SEPTIN14: variants seen among roughly 807,000 people sequenced by gnomAD.
SEPTIN14 encodes the protein septin 14.
SEPTIN14 carries 40 observed loss-of-function variants against 53.6 expected under a neutral mutation model. That is an observed-to-expected ratio of 0.75 (90% CI 0.58 to 0.97). The LOEUF (loss-of-function observed/expected upper bound fraction) is 0.97. Among genes scored for constraint, SEPTIN14 ranks in the 50% least tolerant of loss-of-function variants. The pLI, the probability that SEPTIN14 is intolerant of heterozygous loss-of-function variation, is 0.00. For synonymous variants in SEPTIN14, 138 were observed against 166.8 expected, an observed-to-expected ratio of 0.83 and a Z score of 1.33; for missense variants, 471 against 508.2, an observed-to-expected ratio of 0.93 and a Z score of 0.70.
At chr7:55,833,505 T>C (rs900140710) in intron 6 of SEPTIN14, among the ~76,000 whole-genome samples, 16 of 152,068 alleles carry the variant, frequency 1.1e-4, no homozygotes, top group Admixed American at 8.5e-4. Context: ...GCCAGGAGTT[T>C]GAGACCAGCC....
chr7:55,817,108 C>A (rs1424593053), intron 7 of SEPTIN14, among the ~76,000 whole-genome samples: 1 of 152,090 alleles, frequency 6.6e-6, no homozygotes, highest in African/African-American at 2.4e-5. Flanking sequence ...TGGAAGCAAT[C>A]TAAGTGTCCA....
At chr7:55,815,105 A>G (rs1788770399) in intron 7 of SEPTIN14, among the ~76,000 whole-genome samples, 1 of 152,198 alleles carries the variant, frequency 6.6e-6, no homozygotes, top group Non-Finnish European at 1.5e-5. Context: ...GAAGAAAGAA[A>G]CTAGACTTTT....
intron 5 of SEPTIN14, among the ~76,000 whole-genome samples, chr7:55,840,803 A>G (rs1789296945): frequency 6.6e-6 from 1 of 152,222 alleles, no homozygotes; most frequent in South Asian, 2.1e-4. Context: ...CGTGCACCAC[A>G]TAATGGCATT....
intron 2 of SEPTIN14, among the ~76,000 whole-genome samples, chr7:55,861,701 T>C (rs1322815987): frequency 2.0e-5 from 3 of 152,194 alleles, no homozygotes; most frequent in Non-Finnish European, 4.4e-5. Flanking sequence ...TTCTTTGGTG[T>C]TAAGTAGAAA....
chr7:55,800,126 C>T (rs1288142494), intron 9 of SEPTIN14, among the ~76,000 whole-genome samples: 1 of 151,902 alleles, frequency 6.6e-6, no homozygotes, highest in Non-Finnish European at 1.5e-5. Context: ...TTGGAAGCAA[C>T]CTAACTGTCC....
At chr7:55,799,856 G>C (rs1168792263) in intron 9 of SEPTIN14, among the ~76,000 whole-genome samples, 1 of 152,108 alleles carries the variant, frequency 6.6e-6, no homozygotes, top group Non-Finnish European at 1.5e-5. Context: ...AGTAGGGAAA[G>C]AGTAGATGTG....
chr7:55,832,202 A>AACACACACAC (rs112349116), intron 6 of SEPTIN14, among the ~76,000 whole-genome samples: 5 of 145,006 alleles, frequency 3.4e-5, no homozygotes, highest in African/African-American at 1.0e-4. Flanking sequence ...CTCTGTCTCA[A>AACACACACAC]ACACACACAC....
In SEPTIN14 at chr7:55,848,114, A is replaced by G. The variant is rs186672223; in HGVS notation, c.55-1477T>C. On this transcript the variant is annotated intron_variant, in intron 2 of 9. Transcript: ENST00000388975. ...TTATAAATCAGTAGGAAAGATTTTA[A>G]GGTAGAAGCATCAACAATCAGCTCA... Among the ~76,000 whole-genome samples the G allele has an allele frequency of 8.5e-5, 13 of 152,326 alleles. No homozygotes were observed. The East Asian group carries it at 2.3e-3, about 27-fold the overall frequency.
At chr7:55,813,373 C>G (rs10229960) in intron 7 of SEPTIN14, among the ~76,000 whole-genome samples, 1 of 151,912 alleles carries the variant, frequency 6.6e-6, no homozygotes, top group South Asian at 2.1e-4. Flanking sequence ...CTGAATAAAT[C>G]TGAAAGGCAA....
At chr7:55,846,217 G>T (rs956464618) in intron 3 of SEPTIN14, among the ~76,000 whole-genome samples, 1 of 151,132 alleles carries the variant, frequency 6.6e-6, no homozygotes, top group African/African-American at 2.4e-5. Flanking sequence ...TACAGGTCGA[G>T]TGTGGTGTCT....
intron 7 of SEPTIN14, among the ~76,000 whole-genome samples, chr7:55,808,463 T>A (rs1271764070): frequency 1.3e-5 from 2 of 152,248 alleles, no homozygotes; most frequent in African/African-American, 4.8e-5. Context: ...CAATGATGTT[T>A]AAGAATTCCC....
At chr7:55,798,585 GC>G in intron 9 of SEPTIN14, 1 of 379,444 alleles carries the variant, frequency 2.6e-6, no homozygotes. Context: ...GATGGACGCA[GC>G]CCCAACAAAT....
At chr7:55,857,466 A>T in intron 2 of SEPTIN14, among the ~76,000 whole-genome samples, 1 of 102,624 alleles carries the variant, frequency 9.7e-6, no homozygotes, top group East Asian at 4.6e-4. Context: ...AGGGGAGGGG[A>T]GGGGAGAGGA....
intron 5 of SEPTIN14, 72 bp from the exon 6 acceptor site, chr7:55,834,658 T>G: frequency 1.5e-6 from 2 of 1,315,582 alleles, no homozygotes; most frequent in Non-Finnish European, 2.1e-6. Flanking sequence ...TGTTTTTTGT[T>G]TTGAGACGGA....
chr7:55,813,286 A>G (rs1788736335), intron 7 of SEPTIN14, among the ~76,000 whole-genome samples: 3 of 152,134 alleles, frequency 2.0e-5, no homozygotes, highest in Non-Finnish European at 4.4e-5. Flanking sequence ...CTAAAGAGGA[A>G]TACCCCATGC....
intron 6 of SEPTIN14, among the ~76,000 whole-genome samples, chr7:55,832,881 T>G (rs1789134477): frequency 6.6e-6 from 1 of 151,824 alleles, no homozygotes; most frequent in South Asian, 2.1e-4. Context: ...GTACAATATT[T>G]ACTATTTCAG....
At chr7:55,821,403 C>T (rs117134606) in intron 6 of SEPTIN14, among the ~76,000 whole-genome samples, 6,918 of 152,166 alleles carry the variant, frequency 0.045, 219 homozygotes, top group Non-Finnish European at 0.065. Flanking sequence ...CAGAACCCTG[C>T]CTCAGAGATT....
In SEPTIN14 at chr7:55,851,634, A is replaced by G. The variant is rs149422202; in HGVS notation, c.55-4997T>C. On this transcript the variant is annotated intron_variant, in intron 2 of 9. Coordinates refer to ENST00000388975, the MANE Select transcript of SEPTIN14 (RefSeq NM_207366.3). ...TGTATGGACTGAAAGAATCAATATCATTAAAATGTTCATACCACCGAAAGC... is the reference window on the plus strand; with the variant it reads ...TGTATGGACTGAAAGAATCAATATCGTTAAAATGTTCATACCACCGAAAGC... Among the ~76,000 whole-genome samples the G allele has an allele frequency of 2.8e-3, 425 of 152,318 alleles. 5 individuals are homozygous for G. The highest frequency in any genetic ancestry group is 0.01 in the Middle Eastern group (3 of 294).
At chr7:55,836,572 C>A (rs1789211305) in intron 5 of SEPTIN14, among the ~76,000 whole-genome samples, 1 of 152,114 alleles carries the variant, frequency 6.6e-6, no homozygotes, top group Admixed American at 6.6e-5. Flanking sequence ...AACCCCGTCT[C>A]TACTAAAAAT....
Sources: allele counts gnomAD v4.1 joint callset (sites outside exome capture counted in the v4.1 genomes callset), GRCh38; gene constraint gnomAD v4.1.1; transcripts MANE v1.5; gene names NCBI Gene and HGNC (gene_info 2026-07-23, HGNC 2026-07-21).